The following SLC2A13 variants were observed in gnomAD, a reference collection of about 807,000 sequenced individuals.
SLC2A13 encodes proton myo-inositol cotransporter.
A neutral mutation model predicts 64.4 loss-of-function variants in SLC2A13; 32 were observed. That is an observed-to-expected ratio of 0.50 (90% CI 0.37 to 0.67). The LOEUF is 0.67. Among genes scored for constraint, SLC2A13 ranks in the 30% least tolerant of loss-of-function variants. The pLI is 0.00. For synonymous variants in SLC2A13, 338 were observed against 327.1 expected (o/e 1.03, Z -0.36); for missense variants, 743 against 829.2 (o/e 0.90, Z 1.28).
At chr12:39,984,832 C>G (rs183099510) in intron 3 of SLC2A13, among the ~76,000 whole-genome samples, 2 of 152,160 alleles carry the variant, frequency 1.3e-5, no homozygotes, top group African/African-American at 2.4e-5. Flanking sequence ...ACACACAGCC[C>G]TTAGATAGAT....
At chr12:40,045,976 T>C (rs534049387) in intron 2 of SLC2A13, among the ~76,000 whole-genome samples, 1 of 152,356 alleles carries the variant, frequency 6.6e-6, no homozygotes, top group East Asian at 1.9e-4. Context: ...GAATGTTGAT[T>C]TTCCTTCAGC....
chr12:39,981,380 T>C (rs1946892313), intron 3 of SLC2A13, among the ~76,000 whole-genome samples: 1 of 151,896 alleles, frequency 6.6e-6, no homozygotes, highest in African/African-American at 2.4e-5. Context: ...AATCAATGAA[T>C]CCAGGAGCTG....
At chr12:39,930,504 T>C (rs11174343) in intron 4 of SLC2A13, among the ~76,000 whole-genome samples, 22,673 of 152,134 alleles carry the variant, frequency 0.15, 1,770 homozygotes, top group South Asian at 0.25. Flanking sequence ...GCATTTCATC[T>C]TCCATAATGA....
At chr12:39,888,002 G>C (rs1446131676) in intron 4 of SLC2A13, among the ~76,000 whole-genome samples, 2 of 152,112 alleles carry the variant, frequency 1.3e-5, no homozygotes, top group East Asian at 3.9e-4. Context: ...TCTCAGCCTT[G>C]TGTTGATGGA....
At chr12:39,842,955 A>G (rs563730361) in intron 6 of SLC2A13, among the ~76,000 whole-genome samples, 29 of 152,050 alleles carry the variant, frequency 1.9e-4, no homozygotes, top group African/African-American at 6.5e-4. Context: ...CATGTTTTTT[A>G]CAGTTATACA....
At chr12:39,809,878 A>T (rs931022931) in intron 7 of SLC2A13, among the ~76,000 whole-genome samples, 5 of 152,126 alleles carry the variant, frequency 3.3e-5, no homozygotes, top group African/African-American at 1.2e-4. Context: ...TGGTGTATAT[A>T]TGCCACATTT....
intron 4 of SLC2A13, among the ~76,000 whole-genome samples, chr12:39,938,686 C>CTTT (rs57069142): frequency 6.9e-6 from 1 of 145,696 alleles, no homozygotes; most frequent in African/African-American, 2.5e-5. Flanking sequence ...GGATCATTGA[C>CTTT]TTTTTTTTTT....
At chr12:39,947,400 T>C (rs1440079715) in intron 4 of SLC2A13, among the ~76,000 whole-genome samples, 5 of 152,228 alleles carry the variant, frequency 3.3e-5, no homozygotes, top group Non-Finnish European at 1.5e-5. Flanking sequence ...CTTATCAGAA[T>C]ATACCAAAAT....
intron 3 of SLC2A13, among the ~76,000 whole-genome samples, chr12:40,015,794 C>T (rs774817214): frequency 3.3e-5 from 5 of 152,160 alleles, no homozygotes; most frequent in Non-Finnish European, 7.4e-5. Context: ...AATTTAGCCA[C>T]TTAGTAGCCA....
chr12:39,862,547 T>C (rs1943790646), intron 6 of SLC2A13, among the ~76,000 whole-genome samples: 2 of 152,206 alleles, frequency 1.3e-5, no homozygotes, highest in South Asian at 2.1e-4. Context: ...AAACTACTTC[T>C]CCTTTAAAAT....
intron 7 of SLC2A13, among the ~76,000 whole-genome samples, chr12:39,805,429 A>G (rs1941947959): frequency 6.6e-6 from 1 of 152,026 alleles, no homozygotes; most frequent in African/African-American, 2.4e-5. Context: ...GAATCTGGGT[A>G]CATCGTGAAG....
Position 40,086,401 on chromosome 12 carries a change from C to A in SLC2A13, c.556+18852G>T, listed in dbSNP as rs1467550684. Among the ~76,000 whole-genome samples, 4 of 152,194 alleles carry A rather than the reference C, an allele frequency of 2.6e-5. No individual in the cohort carries two copies. In the East Asian group the frequency reaches 7.7e-4, roughly 29 times the overall value. On this transcript the variant is annotated intron_variant, in intron 1 of 9. Transcript: ENST00000280871. ...TGGCCATGATAAAAGAAAATATGGT[C>A]TTTTCCTTTAGTGCCACTTGTTTTT...
intron 3 of SLC2A13, among the ~76,000 whole-genome samples, chr12:40,027,677 G>A (rs1295918661): frequency 2.6e-5 from 4 of 152,184 alleles, no homozygotes; most frequent in African/African-American, 4.8e-5. Flanking sequence ...AAAAGGAAGC[G>A]CAAGAGAAAA....
intron 1 of SLC2A13, among the ~76,000 whole-genome samples, chr12:40,057,637 T>C (rs974436365): frequency 5.9e-5 from 9 of 152,146 alleles, no homozygotes; most frequent in African/African-American, 2.2e-4. Context: ...ACATATTTCT[T>C]GAGCTACACT....
At chr12:39,770,853 C>T (rs1592120161) in intron 7 of SLC2A13, among the ~76,000 whole-genome samples, 1 of 152,240 alleles carries the variant, frequency 6.6e-6, no homozygotes, top group African/African-American at 2.4e-5. Flanking sequence ...AGAAAAGTGG[C>T]CAAGACTAGG....
At chr12:39,974,418 T>C (rs574422236) in intron 3 of SLC2A13, among the ~76,000 whole-genome samples, 22 of 152,316 alleles carry the variant, frequency 1.4e-4, no homozygotes, top group Admixed American at 1.2e-3. Context: ...TTTGGTGTCC[T>C]CATTTATAAA....
At chr12:39,941,931 T>C (rs1400805653) in intron 4 of SLC2A13, among the ~76,000 whole-genome samples, 1 of 152,226 alleles carries the variant, frequency 6.6e-6, no homozygotes, top group East Asian at 1.9e-4. Context: ...TACATGTGGC[T>C]AGCCAATCAT....
At chr12:39,828,049 C>T (rs1017973125) in intron 7 of SLC2A13, among the ~76,000 whole-genome samples, 2 of 152,036 alleles carry the variant, frequency 1.3e-5, no homozygotes, top group African/African-American at 2.4e-5. Context: ...AATCTATCAA[C>T]CAAACCACCA....
intron 4 of SLC2A13, among the ~76,000 whole-genome samples, chr12:39,928,995 G>A (rs540181793): frequency 6.5e-4 from 99 of 152,300 alleles, no homozygotes; most frequent in Non-Finnish European, 1.1e-3. Context: ...CACACATGGG[G>A]AGGAGACAGA....
Sources: gnomAD v4.1 joint callset for allele counts (sites outside exome capture counted in the v4.1 genomes callset) on GRCh38, gnomAD v4.1.1 for gene constraint, MANE v1.5 for transcripts, NCBI Gene and HGNC (gene_info 2026-07-23, HGNC 2026-07-21) for gene names.